TDRD3: variants seen among roughly 807,000 people sequenced by gnomAD.
The protein encoded by TDRD3 is tudor domain containing 3, also known as tudor domain-containing protein 3.
In TDRD3, 45 loss-of-function variants were observed where a neutral mutation model predicts 86.7. That is an observed-to-expected ratio of 0.52 (90% confidence interval 0.41 to 0.67). The LOEUF is 0.67. Ranked by LOEUF, TDRD3 falls within the 30% of genes least tolerant of loss-of-function variation. The pLI is 0.00. For synonymous variants in TDRD3, 298 were observed against 301.7 expected, an observed-to-expected ratio of 0.99 and a Z score of 0.13; for missense variants, 814 against 889.0, an observed-to-expected ratio of 0.92 and a Z score of 1.07.
intron 12 of TDRD3, among the ~76,000 whole-genome samples, chr13:60,556,590 G>A (rs1958191380): frequency 6.6e-6 from 1 of 152,140 alleles, no homozygotes; most frequent in African/African-American, 2.4e-5. Flanking sequence ...CAGTAATTGA[G>A]CACCTACTAA....
At chr13:60,546,181 G>A (rs905098249) in intron 12 of TDRD3, among the ~76,000 whole-genome samples, 1 of 151,978 alleles carries the variant, frequency 6.6e-6, no homozygotes, top group African/African-American at 2.4e-5. Context: ...CCATACTGGT[G>A]GTGGTTCTCA....
intron 5 of TDRD3, among the ~76,000 whole-genome samples, chr13:60,471,059 A>G (rs1232768458): frequency 6.6e-6 from 1 of 152,156 alleles, no homozygotes; most frequent in Non-Finnish European, 1.5e-5. Flanking sequence ...TAGATTCTAG[A>G]TATCAATTCC....
chr13:60,405,238 G>C (rs1954206601), intron 1 of TDRD3, among the ~76,000 whole-genome samples: 1 of 152,100 alleles, frequency 6.6e-6, no homozygotes, highest in South Asian at 2.1e-4. Context: ...CAGAGTCCTG[G>C]GATTACAGAT....
chr13:60,440,596 G>A (rs1202601213), intron 2 of TDRD3, among the ~76,000 whole-genome samples: 2 of 152,034 alleles, frequency 1.3e-5, no homozygotes, highest in South Asian at 2.1e-4. Context: ...CAGAAGAATC[G>A]CTTGAACCCA....
chr13:60,559,595 C>G (rs1217320813), intron 12 of TDRD3, among the ~76,000 whole-genome samples: 1 of 152,058 alleles, frequency 6.6e-6, no homozygotes, highest in Non-Finnish European at 1.5e-5. Context: ...TAAAATTAAC[C>G]ATAGAACTTG....
intron 10 of TDRD3, among the ~76,000 whole-genome samples, chr13:60,513,527 G>T (rs1025741336): frequency 6.6e-6 from 1 of 152,046 alleles, no homozygotes; most frequent in African/African-American, 2.4e-5. Flanking sequence ...ATAACTTCAT[G>T]ATTTAGGAGA....
At position 60,480,374 on chromosome 13, in the gene TDRD3, T is replaced by A. The variant is rs147344122; in HGVS notation, c.496-3401T>A. Among the ~76,000 whole-genome samples the A allele has an allele frequency of 9.9e-5, 15 of 152,282 alleles. No individual in the cohort carries two copies. In the East Asian group the frequency reaches 2.9e-3, roughly 29 times the overall value. ...GCTGAAAGGTGTGCTGTTAGCTGAG[T>A]GGGATTCTTTTTGTAAGGCCCCTTT... On this transcript the variant is annotated intron_variant, in intron 5 of 13. Coordinates refer to ENST00000377881, the MANE Select transcript of TDRD3 (RefSeq NM_001146070.2).
At chr13:60,484,795 GA>G in intron 6 of TDRD3, 1 of 409,574 alleles carries the variant, frequency 2.4e-6, no homozygotes, top group Non-Finnish European at 4.8e-6. Flanking sequence ...CCTCCACAGG[GA>G]AAACAGTGTA....
At chr13:60,461,896 G>A (rs796902341) in intron 4 of TDRD3, among the ~76,000 whole-genome samples, 1 of 152,194 alleles carries the variant, frequency 6.6e-6, no homozygotes, top group East Asian at 1.9e-4. Context: ...AACAGAAAGA[G>A]TGAGAAGTTA....
chr13:60,538,705 C>T (rs1347729729), intron 12 of TDRD3, among the ~76,000 whole-genome samples: 1 of 152,026 alleles, frequency 6.6e-6, no homozygotes, highest in Non-Finnish European at 1.5e-5. Context: ...AGGCCCTTTC[C>T]AAATTGCTTC....
intron 5 of TDRD3, among the ~76,000 whole-genome samples, chr13:60,477,704 G>A (rs184542809): frequency 6.6e-6 from 1 of 152,256 alleles, no homozygotes; most frequent in African/African-American, 2.4e-5. Context: ...AACCAACATT[G>A]CATCCCAGGG....
chr13:60,480,320 C>T (rs1051358631), intron 5 of TDRD3, among the ~76,000 whole-genome samples: 10 of 152,014 alleles, frequency 6.6e-5, no homozygotes, highest in African/African-American at 2.4e-4. Context: ...GAAAATAGGC[C>T]CCACTCTCTT....
At chr13:60,501,745 A>G (rs1008958544) in intron 8 of TDRD3, among the ~76,000 whole-genome samples, 9 of 152,156 alleles carry the variant, frequency 5.9e-5, no homozygotes, top group Admixed American at 3.9e-4. Flanking sequence ...ACAACCAACT[A>G]TTCTCTTTAG....
chr13:60,492,454 A>G (rs796581395), intron 7 of TDRD3, among the ~76,000 whole-genome samples: 28 of 152,194 alleles, frequency 1.8e-4, no homozygotes, highest in African/African-American at 6.3e-4. Flanking sequence ...TTCTAATCCC[A>G]GTTTTAAAGA....
intron 12 of TDRD3, among the ~76,000 whole-genome samples, chr13:60,556,142 G>A (rs770951780): frequency 2.6e-5 from 4 of 152,006 alleles, no homozygotes; most frequent in Non-Finnish European, 4.4e-5. Flanking sequence ...CACCGCACCC[G>A]GCCCAACCTA....
At chr13:60,486,426 T>C (rs1956437128) in intron 7 of TDRD3, among the ~76,000 whole-genome samples, 1 of 152,166 alleles carries the variant, frequency 6.6e-6, no homozygotes, top group African/African-American at 2.4e-5. Flanking sequence ...ATTTAGTGTA[T>C]AGTAAAAAAT....
intron 8 of TDRD3, among the ~76,000 whole-genome samples, chr13:60,501,710 C>T (rs1054008273): frequency 1.3e-5 from 2 of 152,222 alleles, no homozygotes; most frequent in Non-Finnish European, 2.9e-5. Context: ...AACCTTCTGA[C>T]TTGTCCTGAA....
At chr13:60,407,259 G>A (rs1363613874) in intron 1 of TDRD3, among the ~76,000 whole-genome samples, 1 of 152,162 alleles carries the variant, frequency 6.6e-6, no homozygotes, top group East Asian at 1.9e-4. Flanking sequence ...CATTTAGCAC[G>A]ATGTAAGGTG....
At chr13:60,465,890 A>T (rs978258701) in intron 4 of TDRD3, among the ~76,000 whole-genome samples, 1 of 152,138 alleles carries the variant, frequency 6.6e-6, no homozygotes, top group African/African-American at 2.4e-5. Context: ...ATGTGAGAAG[A>T]GATGGGGTGG....
Sources: allele counts gnomAD v4.1 joint callset (sites outside exome capture counted in the v4.1 genomes callset), GRCh38; gene constraint gnomAD v4.1.1; transcripts MANE v1.5; gene names NCBI Gene and HGNC (gene_info 2026-07-23, HGNC 2026-07-21).